The following EWSR1 variants were observed in gnomAD, a reference collection of about 807,000 sequenced individuals.
EWSR1 encodes EWS RNA binding protein 1.
A neutral mutation model predicts 92.1 loss-of-function variants in EWSR1; 14 were observed. That is an observed-to-expected ratio of 0.15 (90% CI 0.10 to 0.24). The LOEUF (loss-of-function observed/expected upper bound fraction) is 0.24. EWSR1 is among the 10% of genes least tolerant of loss of function. The pLI, the probability that EWSR1 is intolerant of heterozygous loss-of-function variation, is 1.00. For synonymous variants in EWSR1, 303 were observed against 292.9 expected (o/e 1.03, Z -0.35); for missense variants, 637 against 870.9 (o/e 0.73, Z 3.38).
intron 6 of EWSR1, among the ~76,000 whole-genome samples, chr22:29,284,024 G>T (rs2059824706): frequency 6.6e-6 from 1 of 151,146 alleles, no homozygotes; most frequent in African/African-American, 2.5e-5. Context: ...AGTAGAGACG[G>T]GGTTTCTCCA....
rs73403003 is a variant in EWSR1, at chr22:29,295,280, A to T, written c.1165-959A>T. On this transcript the variant is annotated intron_variant, in intron 11 of 16. Coordinates refer to ENST00000397938, the MANE Select transcript of EWSR1 (RefSeq NM_005243.4). ...AGGAATGTGGAGTTTATCCTGGTTA[A>T]GAAAGTAGTATTTACCATCAAAATT... Among the ~76,000 whole-genome samples the T allele has an allele frequency of 5.2e-3, 793 of 152,250 alleles. 6 individuals carry two copies. The highest frequency in any genetic ancestry group is 0.018 in the African/African-American group (754 of 41,536).
In EWSR1 at chr22:29,298,832, G is replaced by T. The variant is rs751624817; in HGVS notation, c.1517G>T (p.Arg506Leu). 7.5e-6 allele frequency: 12 copies of T among 1,595,508 alleles called. No homozygotes were observed. The highest frequency in any genetic ancestry group is 2.2e-5 in the East Asian group (1 of 44,790). ...CCTCCAAGAGGACCCCGGGGTTCCC[G>T]AGGGAACCCCTCTGGAGGAGGAAAC... ...GFPPRGPRGSRGNPSGGGNVQ... is the reference protein window; with the variant it reads ...GFPPRGPRGSLGNPSGGGNVQ... Residue 506 changes from arginine to leucine, a missense_variant, in exon 14 of 17, where the codon CGA (arginine) becomes CTA (leucine). Physicochemically the swap from Arg to Leu is moderately radical, Grantham distance 102. Coordinates refer to ENST00000397938, the MANE Select transcript of EWSR1 (RefSeq NM_005243.4).
In EWSR1 at chr22:29,286,791, T is replaced by G. The variant is rs1049219366; in HGVS notation, c.582-132T>G. On this transcript the variant is annotated intron_variant, in intron 6 of 16. Transcript: ENST00000397938. ...GCTGAGTTGAAATTCAAATTGTTGA[T>G]GTGTAGAAAGTAACTACTGTTTTAT... 3 of 631,706 alleles carry G rather than the reference T, an allele frequency of 4.7e-6. No individual in the cohort carries two copies. In the Admixed American group the frequency reaches 8.7e-5, roughly 18 times the overall value. The allele number at this position is 631,706 out of a possible 1,614,324, so 39.1% of individuals were successfully genotyped here.
At chr22:29,279,742 G>A (rs535226782) in intron 5 of EWSR1, among the ~76,000 whole-genome samples, 2 of 152,174 alleles carry the variant, frequency 1.3e-5, no homozygotes, top group Admixed American at 1.3e-4. Context: ...AATCGGAGCC[G>A]CTTGGCAATT....
chr22:29,268,471 G>A (rs2058313669), intron 1 of EWSR1, 122 bp downstream of exon 1: 4 of 1,552,992 alleles, frequency 2.6e-6, no homozygotes, highest in Non-Finnish European at 3.5e-6. Context: ...TGAGGCACCC[G>A]CCGCGGCCCG....
intron 5 of EWSR1, among the ~76,000 whole-genome samples, chr22:29,280,878 T>C (rs71324748): frequency 9.7e-6 from 1 of 102,880 alleles, no homozygotes; most frequent in Non-Finnish European, 2.1e-5. Flanking sequence ...TTTTTTTTTT[T>C]TTTTTTTTTT....
intron 4 of EWSR1, chr22:29,277,699 C>G (rs2059228646): frequency 3.8e-6 from 1 of 264,056 alleles, no homozygotes; most frequent in African/African-American, 2.2e-5. Flanking sequence ...CTAGCAAAAT[C>G]AGTACAGACT....
intron 5 of EWSR1, among the ~76,000 whole-genome samples, chr22:29,280,564 T>C (rs1049736008): frequency 6.6e-6 from 1 of 152,162 alleles, no homozygotes; most frequent in Non-Finnish European, 1.5e-5. Flanking sequence ...AGGGGTCTCT[T>C]TGCCTTACTC....
At chr22:29,277,728 C>G in intron 4 of EWSR1, 1 of 327,402 alleles carries the variant, frequency 3.1e-6, no homozygotes, top group South Asian at 7.3e-5. Context: ...ACAGACTTGT[C>G]TCCTATTCAC....
intron 5 of EWSR1, among the ~76,000 whole-genome samples, chr22:29,278,489 C>T (rs965578451): frequency 2.3e-5 from 1 of 43,502 alleles, no homozygotes; most frequent in Admixed American, 2.9e-4. Context: ...GAGTTTGAAA[C>T]CAGCCTGGCC....
At chr22:29,283,531 T>C (rs764052722) in intron 6 of EWSR1, among the ~76,000 whole-genome samples, 13 of 150,970 alleles carry the variant, frequency 8.6e-5, no homozygotes, top group Non-Finnish European at 1.6e-4. Context: ...CTTTTTGTTT[T>C]ATTGTTGTTT....
At position 29,290,376 on chromosome 22, in the gene EWSR1, AC is replaced by A. The variant is rs2060360385; in HGVS notation, c.975-1185del. On this transcript the variant is annotated intron_variant, in intron 8 of 16. Coordinates refer to ENST00000397938, the MANE Select transcript of EWSR1 (RefSeq NM_005243.4). The stretch of plus-strand genomic sequence containing the variant: ...TTTTCATTGGCTGTTAAACGTGGAA[AC>A]TTTTTAACATGCTTTGTCGCATTTA... The A allele has an allele frequency of 5.7e-6, 9 of 1,582,226 alleles. No individual in the cohort carries two copies. In the Middle Eastern group the frequency reaches 1.3e-3, roughly 236 times the overall value.
Position 29,299,694 on chromosome 22 carries a change from C to T in EWSR1, c.1774C>T (p.Arg592Cys), listed in dbSNP as rs1457936433. 9 of 1,611,764 alleles carry T rather than the reference C, an allele frequency of 5.6e-6. No homozygotes were observed. Among genetic ancestry groups the T allele is most frequent in the East Asian group, 2.2e-5 (1 of 44,836 alleles). ...TCCCGGTGGAATGTTCAGAGGTGGCCGTGGTGGAGACAGAGGTGGCTTCCG... is the reference window on the plus strand; with the variant it reads ...TCCCGGTGGAATGTTCAGAGGTGGCTGTGGTGGAGACAGAGGTGGCTTCCG... Reference protein sequence around the residue: ...GGPGGMFRGGRGGDRGGFRGG... With the variant: ...GGPGGMFRGGCGGDRGGFRGG... Residue 592 changes from arginine (R) to cysteine (C), a missense_variant, in exon 16 of 17, where the codon CGT (arginine) becomes TGT (cysteine). Transcript: ENST00000397938.
chr22:29,300,290 G>A lies in EWSR1; in HGVS notation c.*129G>A, dbSNP rs728760. On this transcript the variant is annotated 3_prime_UTR_variant, in exon 17 of 17. Transcript: ENST00000397938. Reference sequence around the variant, plus strand: ...ATGATTATTCCTTGTCTGTACTTTAGTATTTTTCACCATTTGTGAAGAAAC... The same window carrying A: ...ATGATTATTCCTTGTCTGTACTTTAATATTTTTCACCATTTGTGAAGAAAC... The A allele has an allele frequency of 1.1e-6, 1 of 897,388 alleles. No individual in the cohort carries two copies. Among genetic ancestry groups the A allele is most frequent in the East Asian group, 2.8e-5 (1 of 35,340 alleles). 55.6% of individuals were successfully genotyped at this position (897,388 alleles called of 1,614,324 possible). A position where few individuals can be genotyped will look rare whatever the true frequency, so the allele number is the denominator to read the frequency against.
chr22:29,288,938 C>T, intron 8 of EWSR1, 152 bp downstream of exon 8: 2 of 730,928 alleles, frequency 2.7e-6, no homozygotes, highest in Non-Finnish European at 4.2e-6. Flanking sequence ...ATGGAAATGT[C>T]ATCTTTGTGG....
chr22:29,299,900 A>AC, intron 16 of EWSR1, 49 bp downstream of exon 16: 1 of 1,532,926 alleles, frequency 6.5e-7, no homozygotes, highest in South Asian at 1.3e-5. Context: ...CAGTAAGAGG[A>AC]CAGCCCTTCC....
chr22:29,269,782 A>G (rs946327278), intron 1 of EWSR1: 1 of 152,252 alleles, frequency 6.6e-6, no homozygotes, highest in African/African-American at 2.4e-5. Flanking sequence ...TAGGTGCCCT[A>G]TCCACCCTCT....
intron 4 of EWSR1, chr22:29,274,277 G>C: frequency 6.2e-7 from 1 of 1,613,894 alleles, no homozygotes; most frequent in Non-Finnish European, 8.5e-7. Flanking sequence ...GAAGGGACCA[G>C]TACAGGTTTG....
intron 11 of EWSR1, among the ~76,000 whole-genome samples, chr22:29,294,911 CAAAA>C (rs573950228): frequency 7.4e-6 from 1 of 135,790 alleles, no homozygotes; most frequent in African/African-American, 2.7e-5. Context: ...GACTCCATCT[CAAAA>C]AAAAAAAGGA....
Sources: gnomAD v4.1 joint callset for allele counts (sites outside exome capture counted in the v4.1 genomes callset) on GRCh38, gnomAD v4.1.1 for gene constraint, MANE v1.5 for transcripts, NCBI Gene and HGNC (gene_info 2026-07-23, HGNC 2026-07-21) for gene names.